The following TPO variants were observed in gnomAD, a reference collection of about 807,000 sequenced individuals.
TPO encodes the protein thyroid peroxidase.
Under a neutral mutation model 96.9 loss-of-function variants are expected in TPO, and 78 were observed. The ratio of observed to expected loss-of-function variants is 0.81; its 90% CI spans 0.67 to 0.97. TPO has a LOEUF of 0.97. TPO is among the 50% of genes least tolerant of loss of function. The pLI is 0.00. For missense variants in TPO, 1,252 were observed against 1,274.8 expected (o/e 0.98, Z 0.27); for synonymous variants, 547 against 538.0 (o/e 1.02, Z -0.23).
chr2:1,496,788 A>G, intron 13 of TPO, 23 bp downstream of exon 13: 2 of 1,614,092 alleles, frequency 1.2e-6, no homozygotes, highest in Non-Finnish European at 1.7e-6. Context: ...TTCAATGACA[A>G]TTACAAAACA....
At chr2:1,480,377 T>A (rs1670428062) in intron 8 of TPO, among the ~76,000 whole-genome samples, 1 of 152,178 alleles carries the variant, frequency 6.6e-6, no homozygotes, top group African/African-American at 2.4e-5. Flanking sequence ...ATTTGAAAGA[T>A]CCACGGTGGC....
At chr2:1,402,766 G>A (rs11900674) in intron 1 of TPO, among the ~76,000 whole-genome samples, 85,563 of 151,964 alleles carry the variant, frequency 0.56, 24,297 homozygotes, top group South Asian at 0.64. Context: ...ATTATCTCCC[G>A]CTGGGTCCCT....
chr2:1,534,702 C>G (rs1280035630), intron 15 of TPO, among the ~76,000 whole-genome samples: 5 of 144,084 alleles, frequency 3.5e-5, no homozygotes, highest in Non-Finnish European at 6.0e-5. Flanking sequence ...ATCCCCCACA[C>G]AGTGTGCAAC....
chr2:1,449,855 G>C (rs772761563), intron 5 of TPO, among the ~76,000 whole-genome samples: 4 of 152,124 alleles, frequency 2.6e-5, no homozygotes, highest in Non-Finnish European at 5.9e-5. Flanking sequence ...TCCTCTGAGG[G>C]TTCAAATGTC....
chr2:1,418,301 G>C (rs968292922), intron 2 of TPO, among the ~76,000 whole-genome samples: 3 of 147,784 alleles, frequency 2.0e-5, no homozygotes, highest in Admixed American at 6.8e-5. Context: ...AAAAAAAAAA[G>C]AGAGAGAGAG....
intron 15 of TPO, among the ~76,000 whole-genome samples, chr2:1,523,321 CAAATCCCCCCACTGTGTGCAACTTCCCT>C (rs1675620707): frequency 1.8e-5 from 1 of 54,870 alleles, no homozygotes; most frequent in Non-Finnish European, 3.3e-5. Context: ...GCAACCTCCC[CAAATCCCCCCACTGTGTGCAACTTCCCT>C]AAATCCCCCC....
intron 5 of TPO, among the ~76,000 whole-genome samples, chr2:1,450,099 G>GT (rs1245142543): frequency 6.6e-6 from 1 of 152,202 alleles, no homozygotes; most frequent in Non-Finnish European, 1.5e-5. Flanking sequence ...AAGAGGTGCC[G>GT]TTACAGGAGT....
chr2:1,422,361 C>CTCTCCT (rs1558264460), intron 2 of TPO, among the ~76,000 whole-genome samples: 3 of 140,240 alleles, frequency 2.1e-5, no homozygotes, highest in African/African-American at 5.0e-5. Context: ...GTGCAGGCGC[C>CTCTCCT]GCGCTGGACC....
At chr2:1,401,078 A>G (rs10180405) in intron 1 of TPO, among the ~76,000 whole-genome samples, 85,379 of 152,090 alleles carry the variant, frequency 0.56, 24,219 homozygotes, top group South Asian at 0.63. Context: ...AGAGAGCTTC[A>G]CCTCCAGTCC....
intron 3 of TPO, among the ~76,000 whole-genome samples, chr2:1,427,649 T>A (rs9677530): frequency 1.3e-5 from 2 of 152,198 alleles, no homozygotes; most frequent in African/African-American, 4.8e-5. Flanking sequence ...AATTTCGGCA[T>A]GGACAGAAGA....
In TPO at chr2:1,429,279, C is replaced by T. The variant is rs11885587; in HGVS notation, c.180-4159C>T. ...CCCATTCAACTTCTGCCATGGTTGTCGGCTTCATGAGGCCCTCACCAGAAG... is the reference window on the plus strand; with the variant it reads ...CCCATTCAACTTCTGCCATGGTTGTTGGCTTCATGAGGCCCTCACCAGAAG... On this transcript the variant is annotated intron_variant, in intron 3 of 16. Coordinates refer to ENST00000329066, the MANE Select transcript of TPO (RefSeq NM_001206744.2). Among the ~76,000 whole-genome samples the T allele has an allele frequency of 2.7e-3, 415 of 152,222 alleles. 1 individual carries two copies. Among genetic ancestry groups the T allele is most frequent in the African/African-American group, 9.3e-3 (386 of 41,534 alleles).
At chr2:1,488,503 C>G (rs1671390846) in intron 10 of TPO, among the ~76,000 whole-genome samples, 1 of 152,138 alleles carries the variant, frequency 6.6e-6, no homozygotes, top group Non-Finnish European at 1.5e-5. Context: ...CGGCTCCTGC[C>G]TTTCCCAGGC....
intron 15 of TPO, among the ~76,000 whole-genome samples, chr2:1,519,622 T>C (rs1486281271): frequency 6.6e-6 from 1 of 152,138 alleles, no homozygotes; most frequent in Non-Finnish European, 1.5e-5. Context: ...TAACTAATAA[T>C]TAAAACCCTC....
intron 7 of TPO, among the ~76,000 whole-genome samples, chr2:1,466,977 A>G (rs1668955921): frequency 6.6e-6 from 1 of 151,698 alleles, no homozygotes; most frequent in South Asian, 2.1e-4. Context: ...GTAACCTTAG[A>G]TTGTCAGTTT....
At chr2:1,378,980 T>C (rs1001190295) in intron 1 of TPO, among the ~76,000 whole-genome samples, 4 of 152,162 alleles carry the variant, frequency 2.6e-5, no homozygotes, top group Non-Finnish European at 5.9e-5. Flanking sequence ...GGCATTGACT[T>C]TGGAAATCTG....
chr2:1,451,165 C>T (rs1312488389), intron 5 of TPO, among the ~76,000 whole-genome samples: 2 of 152,166 alleles, frequency 1.3e-5, no homozygotes, highest in African/African-American at 2.4e-5. Context: ...TACGGAGCTG[C>T]GTGGTGGCCT....
chr2:1,500,982 A>AC (rs1672819106), intron 13 of TPO, among the ~76,000 whole-genome samples: 1 of 152,040 alleles, frequency 6.6e-6, no homozygotes, highest in African/African-American at 2.4e-5. Context: ...AAAAAAAAAA[A>AC]AAAAAACTGG....
At position 1,478,270 on chromosome 2, in the gene TPO, T is replaced by C. The variant is rs1039036981; in HGVS notation, c.1338+666T>C. The C allele has an allele frequency of 3.0e-6, 3 of 985,458 alleles. No homozygotes were observed. The African/African-American group carries it at 5.2e-5, about 17-fold the overall frequency. 61.0% of individuals were successfully genotyped at this position (985,458 alleles called of 1,614,324 possible). A position where few individuals can be genotyped will look rare whatever the true frequency, so the allele number is the denominator to read the frequency against. On this transcript the variant is annotated intron_variant, in intron 8 of 16. Transcript: ENST00000329066. ...CTTATGCACCTGGAAATGCGGTCCC[T>C]GACTCTAGGGGTCTCACAGGTTGTT... is the stretch of plus-strand genomic sequence containing the variant.
chr2:1,413,652 TG>T, intron 1 of TPO, 107 bp downstream of exon 1: 1 of 985,356 alleles, frequency 1.0e-6, no homozygotes, highest in Non-Finnish European at 1.2e-6. Context: ...ATAGCAGGTA[TG>T]GGTGGCGTCT....
Sources: gnomAD v4.1 joint callset for allele counts (sites outside exome capture counted in the v4.1 genomes callset) on GRCh38, gnomAD v4.1.1 for gene constraint, MANE v1.5 for transcripts, NCBI Gene and HGNC (gene_info 2026-07-23, HGNC 2026-07-21) for gene names.